The following ANO3 variants were observed in gnomAD, a reference collection of about 807,000 sequenced individuals.
The protein encoded by ANO3 is anoctamin-3.
A neutral mutation model predicts 144.8 loss-of-function variants in ANO3; 99 were observed. That is an observed-to-expected ratio of 0.68 (90% CI 0.58 to 0.81). The LOEUF (loss-of-function observed/expected upper bound fraction) is 0.81, where lower values mean the gene tolerates loss of function less well. Ranked by LOEUF, ANO3 falls within the 30% of genes least tolerant of loss-of-function variation. ANO3 has a pLI of 0.00. For missense variants in ANO3, 905 were observed against 1,202.2 expected (o/e 0.75, Z 3.66); for synonymous variants, 414 against 392.6 (o/e 1.05, Z -0.64).
chr11:26,515,683 C>T (rs1193444246), intron 5 of ANO3, among the ~76,000 whole-genome samples: 2 of 151,910 alleles, frequency 1.3e-5, no homozygotes, highest in African/African-American at 4.8e-5. Flanking sequence ...CTACCCTACT[C>T]TTGAGCTTTT....
intron 17 of ANO3, among the ~76,000 whole-genome samples, chr11:26,605,142 C>T (rs552624627): frequency 1.3e-4 from 20 of 152,220 alleles, no homozygotes; most frequent in African/African-American, 3.1e-4. Context: ...TGAATTTTAT[C>T]GAAGGCCTTT....
intron 1 of ANO3, among the ~76,000 whole-genome samples, chr11:26,266,500 C>T (rs186899130): frequency 6.8e-6 from 1 of 147,120 alleles, no homozygotes; most frequent in South Asian, 2.1e-4. Flanking sequence ...GTGGCGCAAT[C>T]TCGGCTCACT....
intron 14 of ANO3, chr11:26,563,220 A>G: frequency 1.9e-6 from 3 of 1,611,952 alleles, no homozygotes; most frequent in Non-Finnish European, 2.5e-6. Context: ...GACACCCAGA[A>G]TAGCACCTAA....
chr11:26,235,321 A>G (rs922156073), intron 1 of ANO3, among the ~76,000 whole-genome samples: 2 of 152,236 alleles, frequency 1.3e-5, no homozygotes, highest in African/African-American at 4.8e-5. Context: ...TAACCATGGT[A>G]CAATAATAAA....
intron 1 of ANO3, among the ~76,000 whole-genome samples, chr11:26,317,702 A>G (rs1854659236): frequency 6.6e-6 from 1 of 152,300 alleles, no homozygotes; most frequent in Non-Finnish European, 1.5e-5. Context: ...CAGTGTGGAG[A>G]TTCCTCAAGG....
intron 1 of ANO3, among the ~76,000 whole-genome samples, chr11:26,204,456 T>G (rs1253120543): frequency 6.6e-6 from 1 of 152,094 alleles, no homozygotes; most frequent in Non-Finnish European, 1.5e-5. Flanking sequence ...AAGGAAAAAG[T>G]AGGCGTGGAT....
At chr11:26,194,446 G>GTGTGTGTA (rs1554920716) in intron 1 of ANO3, among the ~76,000 whole-genome samples, 26 of 116,724 alleles carry the variant, frequency 2.2e-4, no homozygotes, top group South Asian at 1.9e-3. Flanking sequence ...AGTGGTGTGT[G>GTGTGTGTA]TGTGTGTGTG....
chr11:26,367,697 G>A (rs2133934006), intron 1 of ANO3, among the ~76,000 whole-genome samples: 1 of 152,228 alleles, frequency 6.6e-6, no homozygotes, highest in South Asian at 2.1e-4. Flanking sequence ...AGGTTTAATT[G>A]GCTTGTAGTT....
At chr11:26,434,796 G>C (rs1385572439) in intron 1 of ANO3, among the ~76,000 whole-genome samples, 1 of 152,060 alleles carries the variant, frequency 6.6e-6, no homozygotes, top group Non-Finnish European at 1.5e-5. Context: ...AGTGTGTTTG[G>C]TATCATTTTG....
intron 1 of ANO3, among the ~76,000 whole-genome samples, chr11:26,421,787 A>G (rs1857759769): frequency 6.6e-6 from 1 of 152,038 alleles, no homozygotes; most frequent in African/African-American, 2.4e-5. Flanking sequence ...GAAATCATGT[A>G]CTTTGCAGAG....
At chr11:26,575,314 G>A (rs1850957621) in intron 14 of ANO3, among the ~76,000 whole-genome samples, 1 of 151,618 alleles carries the variant, frequency 6.6e-6, no homozygotes, top group African/African-American at 2.4e-5. Context: ...TTTAAGGTAA[G>A]AGCCTAATGG....
intron 17 of ANO3, among the ~76,000 whole-genome samples, chr11:26,620,197 A>C (rs1279262663): frequency 6.6e-6 from 1 of 152,188 alleles, no homozygotes; most frequent in African/African-American, 2.4e-5. Context: ...TCCTAAAAAT[A>C]TTTTAATGAA....
intron 4 of ANO3, among the ~76,000 whole-genome samples, chr11:26,484,862 G>C (rs538054737): frequency 6.6e-6 from 1 of 152,288 alleles, no homozygotes; most frequent in South Asian, 2.1e-4. Context: ...AAGATGTGAC[G>C]TGAAGTCAAA....
At chr11:26,417,016 C>T (rs1245500586) in intron 1 of ANO3, among the ~76,000 whole-genome samples, 1 of 151,922 alleles carries the variant, frequency 6.6e-6, no homozygotes, top group East Asian at 1.9e-4. Context: ...AGAGGCAAGA[C>T]CAAGAAAAAA....
chr11:26,478,890 C>A (rs1295242329), intron 4 of ANO3, among the ~76,000 whole-genome samples: 2 of 152,166 alleles, frequency 1.3e-5, no homozygotes, highest in African/African-American at 4.8e-5. Flanking sequence ...TATAAAAGCT[C>A]ACTGCTTGTG....
At chr11:26,585,452 T>C (rs1226794989) in intron 14 of ANO3, among the ~76,000 whole-genome samples, 4 of 152,134 alleles carry the variant, frequency 2.6e-5, no homozygotes, top group African/African-American at 9.7e-5. Context: ...ATTTAACAAG[T>C]TTAATACACT....
At chr11:26,556,159 C>T (rs1462323281) in intron 13 of ANO3, among the ~76,000 whole-genome samples, 4 of 151,882 alleles carry the variant, frequency 2.6e-5, no homozygotes, top group Non-Finnish European at 4.4e-5. Flanking sequence ...GATATTTTTG[C>T]AATTAAGTAA....
chr11:26,208,489 G>C (rs967551700), intron 1 of ANO3: 1 of 147,722 alleles, frequency 6.8e-6, no homozygotes, highest in East Asian at 2.0e-4. Context: ...CTCCAGCCTG[G>C]GTGACAGAGC....
chr11:26,236,664 A>G (rs1440839843), intron 1 of ANO3, among the ~76,000 whole-genome samples: 1 of 151,926 alleles, frequency 6.6e-6, no homozygotes, highest in African/African-American at 2.4e-5. Flanking sequence ...TAAAAATACA[A>G]AAAATTAGCC....
Sources: gnomAD v4.1 joint callset for allele counts (sites outside exome capture counted in the v4.1 genomes callset) on GRCh38, gnomAD v4.1.1 for gene constraint, MANE v1.5 for transcripts, NCBI Gene and HGNC (gene_info 2026-07-23, HGNC 2026-07-21) for gene names.